The following PLXDC2 variants were observed in gnomAD, a reference collection of about 807,000 sequenced individuals.
PLXDC2 encodes plexin domain containing 2.
PLXDC2 carries 40 observed loss-of-function variants against 68.9 expected under a neutral mutation model. That is an observed-to-expected ratio of 0.58 (90% CI 0.45 to 0.76). The LOEUF (loss-of-function observed/expected upper bound fraction) is 0.76. PLXDC2 is among the 30% of genes least tolerant of loss of function. The pLI is 0.00. For synonymous variants in PLXDC2, 243 were observed against 234.2 expected (o/e 1.04, Z -0.34); for missense variants, 644 against 661.9 (o/e 0.97, Z 0.30).
chr10:20,030,088 AG>A (rs1249670553), intron 2 of PLXDC2, among the ~76,000 whole-genome samples: 12 of 152,194 alleles, frequency 7.9e-5, no homozygotes, highest in African/African-American at 2.9e-4. Flanking sequence ...GCTACTTAAG[AG>A]TATTATGAAA....
At chr10:19,987,552 G>T (rs1370893905) in intron 1 of PLXDC2, among the ~76,000 whole-genome samples, 2 of 78,392 alleles carry the variant, frequency 2.6e-5, no homozygotes, top group Admixed American at 1.2e-4. Flanking sequence ...ATGTTATTTG[G>T]TTTTGTTTTG....
In PLXDC2 at chr10:19,818,236, G is replaced by GTA. The variant is rs10552276; in HGVS notation, c.112+1046_112+1047insAT. ...CAATTTGTTCTTTTCTGGTGTGTGT[G>GTA]TGTGTGTGTGTGTGTGTGTGTGTGT... On this transcript the variant is annotated intron_variant, in intron 1 of 13. Coordinates refer to ENST00000377252, the MANE Select transcript of PLXDC2 (RefSeq NM_032812.9). Among the ~76,000 whole-genome samples, 733 of 122,970 alleles carry GTA rather than the reference G, an allele frequency of 6.0e-3. 5 individuals carry two copies. Among genetic ancestry groups the GTA allele is most frequent in the African/African-American group, 0.019 (699 of 37,248 alleles). 80.7% of individuals were successfully genotyped at this position (122,970 alleles called of 152,430 possible). A position where few individuals can be genotyped will look rare whatever the true frequency, so the allele number is the denominator to read the frequency against.
intron 1 of PLXDC2, among the ~76,000 whole-genome samples, chr10:19,948,359 G>A (rs997272521): frequency 6.7e-6 from 1 of 149,802 alleles, no homozygotes; most frequent in Non-Finnish European, 1.5e-5. Context: ...AGTAGAGAAT[G>A]GTTTTGCAGA....
At chr10:20,198,800 C>T (rs1834876751) in intron 9 of PLXDC2, among the ~76,000 whole-genome samples, 1 of 152,110 alleles carries the variant, frequency 6.6e-6, no homozygotes, top group African/African-American at 2.4e-5. Context: ...ACTTTGCATT[C>T]ATATGAAGAA....
rs1836176710 is a variant in PLXDC2 at position 20,287,828 on chromosome 10, G to A, written c.*8009G>A. On this transcript the variant is annotated 3_prime_UTR_variant, in exon 14 of 14. Coordinates refer to ENST00000377252, the MANE Select transcript of PLXDC2 (RefSeq NM_032812.9). ...GTGCCTGGAGAGTACATTATTTTCA[G>A]GGGAAAAAAAGGAGAGAGTCTTTTT... 1 of 151,366 alleles carries A rather than the reference G, an allele frequency of 6.6e-6. No individual in the cohort carries two copies. Among genetic ancestry groups the A allele is most frequent in the African/African-American group, 2.4e-5 (1 of 40,910 alleles). The allele number at this position is 151,366 out of a possible 1,614,324, so 9.4% of individuals were successfully genotyped here.
chr10:20,210,681 G>A (rs559364616), intron 9 of PLXDC2, among the ~76,000 whole-genome samples: 1 of 152,262 alleles, frequency 6.6e-6, no homozygotes, highest in South Asian at 2.1e-4. Context: ...TATACTCAAG[G>A]TTGCCACAGG....
rs540038873 is a variant in PLXDC2, at chr10:19,891,231, C to T, written c.112+74040C>T. On this transcript the variant is annotated intron_variant, in intron 1 of 13. Coordinates refer to ENST00000377252, the MANE Select transcript of PLXDC2 (RefSeq NM_032812.9). ...GTATTGGGTACTTAGTATTTCTATT[C>T]TCTGGATAGTAATACCAAAATGCAA... Among the ~76,000 whole-genome samples the T allele has an allele frequency of 5.1e-3, 783 of 152,284 alleles. 2 individuals carry two copies. The highest frequency in any genetic ancestry group is 8.9e-3 in the Non-Finnish European group (606 of 68,024).
At chr10:19,874,495 A>T (rs1837598229) in intron 1 of PLXDC2, among the ~76,000 whole-genome samples, 1 of 152,132 alleles carries the variant, frequency 6.6e-6, no homozygotes, top group Non-Finnish European at 1.5e-5. Flanking sequence ...AGACATTGTA[A>T]TGTGTAGGAA....
rs140064889 is a variant in PLXDC2 at position 20,186,931 on chromosome 10, C to A, written c.1061+9522C>A. ...ATTTATATTCCTTTGGGTATATACC[C>A]AGTAATGGGATTGCAGGGTCAAATG... On this transcript the variant is annotated intron_variant, in intron 9 of 13. Transcript: ENST00000377252. 4.6e-5 allele frequency among the ~76,000 whole-genome samples: 7 copies of A among 151,882 alleles called. No individual in the cohort carries two copies. In the East Asian group the frequency reaches 1.4e-3, roughly 29 times the overall value.
In PLXDC2 at chr10:20,134,390, G is replaced by C. The variant is rs144546100; in HGVS notation, c.542-8905G>C. On this transcript the variant is annotated intron_variant, in intron 4 of 13. Transcript: ENST00000377252. ...GACAAAGAATGTCCTTCACCACTCA[G>C]TCCATCCAGAAATTCTGTGCCAGCG... 1.1e-3 allele frequency among the ~76,000 whole-genome samples: 173 copies of C among 152,278 alleles called. 2 individuals carry two copies. The highest frequency in any genetic ancestry group is 4.0e-3 in the African/African-American group (166 of 41,558).
At chr10:20,099,121 C>T (rs1833389254) in intron 4 of PLXDC2, among the ~76,000 whole-genome samples, 1 of 151,888 alleles carries the variant, frequency 6.6e-6, no homozygotes, top group Admixed American at 6.6e-5. Flanking sequence ...AACATAAACC[C>T]ATGTATGTTT....
chr10:19,933,267 A>C (rs1158464300), intron 1 of PLXDC2, among the ~76,000 whole-genome samples: 1 of 152,154 alleles, frequency 6.6e-6, no homozygotes, highest in Non-Finnish European at 1.5e-5. Context: ...GGCCTAGATC[A>C]TTTACTGTGG....
intron 1 of PLXDC2, among the ~76,000 whole-genome samples, chr10:19,826,948 T>A (rs1313286574): frequency 1.3e-5 from 2 of 152,234 alleles, no homozygotes; most frequent in Non-Finnish European, 2.9e-5. Context: ...GTTTTGTTTT[T>A]AGCAACTGCA....
intron 1 of PLXDC2, among the ~76,000 whole-genome samples, chr10:19,869,702 T>A (rs1837497207): frequency 6.6e-6 from 1 of 152,090 alleles, no homozygotes; most frequent in Non-Finnish European, 1.5e-5. Flanking sequence ...TATTTAATTA[T>A]CTGAAGTGTT....
In PLXDC2 at chr10:20,147,260, G is replaced by A. The variant is rs190496772; in HGVS notation, c.665-524G>A. On this transcript the variant is annotated intron_variant, in intron 5 of 13. Coordinates refer to ENST00000377252, the MANE Select transcript of PLXDC2 (RefSeq NM_032812.9). ...TCCTGGAAGAAACACAACAAAGACA[G>A]AAATACAAGCATTGTGAACTCAAGG... 1.3e-3 allele frequency among the ~76,000 whole-genome samples: 192 copies of A among 152,242 alleles called. 1 individual carries two copies. The highest frequency in any genetic ancestry group is 5.6e-3 in the South Asian group (27 of 4,830).
chr10:19,944,980 A>G (rs374508127), intron 1 of PLXDC2, among the ~76,000 whole-genome samples: 3 of 152,064 alleles, frequency 2.0e-5, no homozygotes, highest in East Asian at 3.9e-4. Flanking sequence ...ACAAAAAAAG[A>G]AACAGAAGCA....
chr10:20,134,312 T>C (rs1251343371), intron 4 of PLXDC2, among the ~76,000 whole-genome samples: 2 of 152,242 alleles, frequency 1.3e-5, no homozygotes, highest in African/African-American at 2.4e-5. Flanking sequence ...ATTGGTAATG[T>C]AATCTGCATT....
At chr10:20,095,831 G>A (rs1462506744) in intron 4 of PLXDC2, among the ~76,000 whole-genome samples, 1 of 152,088 alleles carries the variant, frequency 6.6e-6, no homozygotes, top group East Asian at 1.9e-4. Flanking sequence ...TAGTTAAAAG[G>A]TTGCTGCAAT....
intron 1 of PLXDC2, among the ~76,000 whole-genome samples, chr10:19,958,689 C>T (rs1053767321): frequency 9.2e-5 from 14 of 151,968 alleles, no homozygotes; most frequent in Non-Finnish European, 1.8e-4. Context: ...CCCCTCAGTT[C>T]GGAATTTGTC....
Sources: gnomAD v4.1 joint callset for allele counts (sites outside exome capture counted in the v4.1 genomes callset) on GRCh38, gnomAD v4.1.1 for gene constraint, MANE v1.5 for transcripts, NCBI Gene and HGNC (gene_info 2026-07-23, HGNC 2026-07-21) for gene names.